CNTN5: variants seen among roughly 807,000 people sequenced by gnomAD.
CNTN5 encodes contactin 5.
Under a neutral mutation model 129.1 loss-of-function variants are expected in CNTN5, and 77 were observed. The ratio of observed to expected loss-of-function variants is 0.60; its 90% confidence interval spans 0.50 to 0.72. The LOEUF is 0.72. Among genes scored for constraint, CNTN5 ranks in the 30% least tolerant of loss-of-function variants. CNTN5 has a pLI of 0.00. For synonymous variants in CNTN5, 509 were observed against 465.6 expected (o/e 1.09, Z -1.20); for missense variants, 1,478 against 1,328.8 (o/e 1.11, Z -1.75).
chr11:99,875,377 A>G (rs1353086883), intron 6 of CNTN5, among the ~76,000 whole-genome samples: 1 of 152,158 alleles, frequency 6.6e-6, no homozygotes, highest in Non-Finnish European at 1.5e-5. Context: ...GAAGTTGATT[A>G]TTAAAACACT....
At chr11:99,599,189 T>C (rs1303146428) in intron 3 of CNTN5, among the ~76,000 whole-genome samples, 6 of 152,062 alleles carry the variant, frequency 3.9e-5, no homozygotes. Flanking sequence ...GTGTTTTTTT[T>C]TTAACATAAA....
At chr11:99,129,499 A>G (rs901636549) in intron 1 of CNTN5, among the ~76,000 whole-genome samples, 1 of 152,222 alleles carries the variant, frequency 6.6e-6, no homozygotes, top group Non-Finnish European at 1.5e-5. Flanking sequence ...GAAGTACCTG[A>G]AAGAGACAGG....
At chr11:99,786,344 G>A (rs10107141) in intron 3 of CNTN5, among the ~76,000 whole-genome samples, 1 of 151,684 alleles carries the variant, frequency 6.6e-6, no homozygotes, top group Admixed American at 6.6e-5. Flanking sequence ...CGCTGCTCAA[G>A]GAAATTGGAG....
At chr11:100,179,130 G>A (rs1333544851) in intron 13 of CNTN5, among the ~76,000 whole-genome samples, 1 of 151,940 alleles carries the variant, frequency 6.6e-6, no homozygotes, top group Non-Finnish European at 1.5e-5. Flanking sequence ...GTCAACTGTA[G>A]TTATCCTGTT....
At chr11:99,848,035 AC>A (rs896448798) in intron 6 of CNTN5, among the ~76,000 whole-genome samples, 1 of 152,002 alleles carries the variant, frequency 6.6e-6, no homozygotes, top group African/African-American at 2.4e-5. Context: ...ACACGGTGAA[AC>A]CCATCTCTAC....
intron 2 of CNTN5, among the ~76,000 whole-genome samples, chr11:99,410,868 A>G (rs773909057): frequency 3.3e-5 from 5 of 152,230 alleles, no homozygotes; most frequent in Non-Finnish European, 7.3e-5. Flanking sequence ...GTTTATTATT[A>G]GAAAATTAAT....
intron 3 of CNTN5, among the ~76,000 whole-genome samples, chr11:99,683,028 G>T (rs1953628421): frequency 6.6e-6 from 1 of 151,674 alleles, no homozygotes; most frequent in Non-Finnish European, 1.5e-5. Context: ...TTATTGATCT[G>T]GAAGTATTTG....
intron 20 of CNTN5, among the ~76,000 whole-genome samples, chr11:100,303,652 C>A (rs1289392195): frequency 2.6e-5 from 4 of 151,522 alleles, no homozygotes; most frequent in African/African-American, 9.7e-5. Flanking sequence ...ATTTATTAAA[C>A]CTAAAAAGCC....
intron 2 of CNTN5, among the ~76,000 whole-genome samples, chr11:99,536,075 A>G (rs921641059): frequency 2.0e-5 from 3 of 152,132 alleles, no homozygotes; most frequent in Non-Finnish European, 2.9e-5. Flanking sequence ...GATAGGGTAT[A>G]CAAATGAATC....
At chr11:99,750,722 T>A (rs1031534265) in intron 3 of CNTN5, among the ~76,000 whole-genome samples, 1 of 152,154 alleles carries the variant, frequency 6.6e-6, no homozygotes. Flanking sequence ...TGAAATTAAG[T>A]TTGAGCATTT....
intron 16 of CNTN5, among the ~76,000 whole-genome samples, chr11:100,239,547 C>G (rs1377928058): frequency 6.6e-6 from 1 of 151,924 alleles, no homozygotes; most frequent in Non-Finnish European, 1.5e-5. Flanking sequence ...TTTGCCATAC[C>G]TTCAGTTGAC....
At chr11:99,109,351 C>T (rs867911039) in intron 1 of CNTN5, among the ~76,000 whole-genome samples, 2 of 150,396 alleles carry the variant, frequency 1.3e-5, no homozygotes, top group Non-Finnish European at 3.0e-5. Flanking sequence ...TAGAACTCCT[C>T]GCAGTTTATA....
intron 13 of CNTN5, among the ~76,000 whole-genome samples, chr11:100,148,717 T>G (rs954074611): frequency 1.1e-5 from 1 of 87,058 alleles, no homozygotes; most frequent in African/African-American, 6.8e-5. Flanking sequence ...CAGATAGATA[T>G]ATCTAACAAA....
chr11:99,197,195 T>C (rs915666508), intron 1 of CNTN5, among the ~76,000 whole-genome samples: 1 of 151,984 alleles, frequency 6.6e-6, no homozygotes, highest in Admixed American at 6.6e-5. Context: ...ATGATTAATA[T>C]GTTAGATACA....
At chr11:99,262,958 A>C (rs1445875396) in intron 1 of CNTN5, among the ~76,000 whole-genome samples, 1 of 152,082 alleles carries the variant, frequency 6.6e-6, no homozygotes, top group Admixed American at 6.6e-5. Flanking sequence ...TTTGAATATT[A>C]TAACTCTCTT....
chr11:99,968,268 T>A (rs562665228), intron 8 of CNTN5, among the ~76,000 whole-genome samples: 20 of 152,296 alleles, frequency 1.3e-4, no homozygotes, highest in African/African-American at 4.3e-4. Flanking sequence ...GATTACTGTT[T>A]ATTAGGAAAT....
At chr11:99,930,161 C>G (rs1950158576) in intron 7 of CNTN5, among the ~76,000 whole-genome samples, 1 of 152,076 alleles carries the variant, frequency 6.6e-6, no homozygotes, top group African/African-American at 2.4e-5. Flanking sequence ...TCTGCGTGCT[C>G]TCTTAGAGCA....
At chr11:99,895,850 C>T (rs1372743578) in intron 6 of CNTN5, among the ~76,000 whole-genome samples, 2 of 152,124 alleles carry the variant, frequency 1.3e-5, no homozygotes, top group African/African-American at 4.8e-5. Flanking sequence ...AGCCACTGCC[C>T]CACTGAGAAA....
At chr11:99,405,406 T>C (rs532380653) in intron 2 of CNTN5, among the ~76,000 whole-genome samples, 1 of 152,186 alleles carries the variant, frequency 6.6e-6, no homozygotes, top group South Asian at 2.1e-4. Flanking sequence ...TTATTTATTC[T>C]TATCTCTCTT....
Sources: gnomAD v4.1 joint callset for allele counts (sites outside exome capture counted in the v4.1 genomes callset) on GRCh38, gnomAD v4.1.1 for gene constraint, MANE v1.5 for transcripts, NCBI Gene and HGNC (gene_info 2026-07-23, HGNC 2026-07-21) for gene names.